The following NECAP2 variants were observed in gnomAD, a reference collection of about 807,000 sequenced individuals.
The protein encoded by NECAP2 is NECAP endocytosis associated 2, also known as adaptin ear-binding coat-associated protein 2.
A neutral mutation model predicts 37.8 loss-of-function variants in NECAP2; 38 were observed. That is an observed-to-expected ratio of 1.01 (90% CI 0.78 to 1.32). The LOEUF is 1.32. NECAP2 is among the 40% of genes most tolerant of loss of function. The pLI is 0.00. For synonymous variants in NECAP2, 121 were observed against 127.7 expected (o/e 0.95, Z 0.35); for missense variants, 316 against 334.5 (o/e 0.94, Z 0.43).
rs755774457 is a variant in NECAP2, at chr1:16,449,211, A to G, written c.489+10A>G. 1.3e-6 allele frequency: 2 copies of G among 1,594,290 alleles called. No homozygotes were observed. The highest frequency in any genetic ancestry group is 4.5e-5 in the East Asian group (2 of 44,554). ...CAAGCTCAACATCGCAGTGAGTTCT[A>G]CCCTTGCTTGGCTGTGGTGACGTGA... is the stretch of plus-strand genomic sequence containing the variant. On this transcript the variant is annotated intron_variant, in intron 5 of 7. Coordinates refer to ENST00000337132, the MANE Select transcript of NECAP2 (RefSeq NM_018090.5).
chr1:16,456,745 A>G (rs1219074216), intron 7 of NECAP2, among the ~76,000 whole-genome samples: 9 of 152,020 alleles, frequency 5.9e-5, no homozygotes, highest in Non-Finnish European at 1.3e-4. Context: ...TTTTCTTTTC[A>G]TGTTTTGAGA....
At chr1:16,455,684 G>T in intron 6 of NECAP2, 134 bp from the exon 7 acceptor site, 1 of 691,574 alleles carries the variant, frequency 1.4e-6, no homozygotes, top group Non-Finnish European at 2.6e-6. Context: ...TGTCTGGTGT[G>T]GCTTTCCCAG....
intron 1 of NECAP2, 122 bp downstream of exon 1, chr1:16,440,975 T>C: frequency 2.7e-6 from 2 of 750,644 alleles, no homozygotes; most frequent in South Asian, 3.2e-5. Flanking sequence ...GAGCTAATGC[T>C]GCTGCTTCTT....
At chr1:16,451,785 A>G (rs995240725) in intron 5 of NECAP2, 53 bp from the exon 6 acceptor site, 3 of 1,604,386 alleles carry the variant, frequency 1.9e-6, no homozygotes, top group Non-Finnish European at 2.6e-6. Flanking sequence ...GTTTTCTGGT[A>G]GCATTGGGAC....
chr1:16,455,087 G>A lies in NECAP2; in HGVS notation c.668-731G>A, dbSNP rs551903448. On this transcript the variant is annotated intron_variant, in intron 6 of 7. Transcript: ENST00000337132. ...GAACTGTAAAACTCTAAACCATTGA[G>A]GGCCCTAGTTTTATCTGTTCTCCTG... Among the ~76,000 whole-genome samples, 4 of 152,216 alleles carry A rather than the reference G, an allele frequency of 2.6e-5. No homozygotes were observed. In the South Asian group the frequency reaches 8.3e-4, roughly 32 times the overall value.
At chr1:16,452,402 A>G (rs1040809302) in intron 6 of NECAP2, among the ~76,000 whole-genome samples, 3 of 102,106 alleles carry the variant, frequency 2.9e-5, no homozygotes, top group Non-Finnish European at 7.1e-5. Flanking sequence ...GCCTAGACCC[A>G]CCATCAGCTG....
In NECAP2 at chr1:16,447,988, C is replaced by T; in HGVS notation, c.298+14C>T. The T allele has an allele frequency of 3.1e-6, 5 of 1,613,850 alleles. No individual in the cohort carries two copies. The highest frequency in any genetic ancestry group is 4.2e-6 in the Non-Finnish European group (5 of 1,179,714). On this transcript the variant is annotated intron_variant, in intron 3 of 7. Transcript: ENST00000337132. ...AAGATGGAAATGGTAGGCATGGGTC[C>T]TGGTGCTTCCTCCTCTTGGGAAAGG...
Position 16,448,554 on chromosome 1 carries a change from C to T in NECAP2, c.380+413C>T, listed in dbSNP as rs185471201. On this transcript the variant is annotated intron_variant, in intron 4 of 7. Transcript: ENST00000337132. ...GTCCTCCTCCACCATCTGCAGGGCT[C>T]GAACTCAGGCTGCCAGTGAGTGGGC... Among the ~76,000 whole-genome samples the T allele has an allele frequency of 3.0e-3, 462 of 152,284 alleles. 1 individual carries two copies. The highest frequency in any genetic ancestry group is 5.3e-3 in the Non-Finnish European group (362 of 68,018).
chr1:16,447,063 A>T (rs781662007), intron 2 of NECAP2, among the ~76,000 whole-genome samples: 4 of 13,780 alleles, frequency 2.9e-4, no homozygotes, highest in South Asian at 2.9e-3. Flanking sequence ...CCATCTCAGG[A>T]AAAAAAAAAA....
At chr1:16,447,739 C>T in intron 2 of NECAP2, 131 bp from the exon 3 acceptor site, 1 of 704,634 alleles carries the variant, frequency 1.4e-6, no homozygotes. Context: ...ATTTGAATCC[C>T]ACAGTAAGGT....
At chr1:16,454,023 T>G (rs562221309) in intron 6 of NECAP2, among the ~76,000 whole-genome samples, 18 of 152,344 alleles carry the variant, frequency 1.2e-4, no homozygotes, top group Non-Finnish European at 8.8e-5. Flanking sequence ...GGTTCAAATT[T>G]CAGCTTACTA....
At chr1:16,444,616 G>A (rs2086734335) in intron 2 of NECAP2, among the ~76,000 whole-genome samples, 1 of 152,172 alleles carries the variant, frequency 6.6e-6, no homozygotes, top group African/African-American at 2.4e-5. Context: ...AGATATTTCT[G>A]TAATGCTTTA....
At chr1:16,443,514 T>C in intron 1 of NECAP2, 118 bp from the exon 2 acceptor site, 1 of 752,360 alleles carries the variant, frequency 1.3e-6, no homozygotes, top group South Asian at 1.6e-5. Context: ...ACTGTCTGAC[T>C]CTTTACAGAA....
intron 6 of NECAP2, among the ~76,000 whole-genome samples, chr1:16,453,493 ATATT>A (rs1171966173): frequency 1.3e-5 from 2 of 151,380 alleles, no homozygotes; most frequent in African/African-American, 2.4e-5. Context: ...TTGCTGATGG[ATATT>A]TATTTATTTA....
At chr1:16,455,254 C>G (rs1380036959) in intron 6 of NECAP2, among the ~76,000 whole-genome samples, 1 of 152,186 alleles carries the variant, frequency 6.6e-6, no homozygotes, top group Non-Finnish European at 1.5e-5. Context: ...GCGTCGCCTA[C>G]CTTGGTGGAG....
chr1:16,453,146 G>GTT, intron 6 of NECAP2, among the ~76,000 whole-genome samples: 1 of 141,934 alleles, frequency 7.0e-6, no homozygotes, highest in East Asian at 2.0e-4. Flanking sequence ...TTTTGCTCTT[G>GTT]TTGCCTAGGC....
intron 7 of NECAP2, among the ~76,000 whole-genome samples, chr1:16,458,246 T>C (rs891669763): frequency 6.6e-6 from 1 of 152,154 alleles, no homozygotes; most frequent in Non-Finnish European, 1.5e-5. Context: ...TCAAAGAGCA[T>C]GTTTATGTAA....
Position 16,451,902 on chromosome 1 carries a change from T to A in NECAP2, c.554T>A (p.Leu185Gln). 6.2e-7 allele frequency: 1 copy of A among 1,614,070 alleles called. No individual in the cohort carries two copies. Among genetic ancestry groups the A allele is most frequent in the Non-Finnish European group, 8.5e-7 (1 of 1,179,938 alleles). The change falls in exon 6 of 8, where the codon CTG (leucine) becomes CAG (glutamine). Residue 185 changes from leucine to glutamine, a missense_variant. By Grantham distance (113) the Leu-to-Gln change is moderately radical (BLOSUM62 -2). Transcript: ENST00000337132. ...GTCCGGCCTGCCAGCACAGGAGGGC[T>A]GAGCCTGCTTCCCCCTCCCCCAGGG... Reference protein sequence around the residue: ...PRVRPASTGGLSLLPPPPGGK... With the variant: ...PRVRPASTGGQSLLPPPPGGK...
At chr1:16,455,195 A>T (rs184831186) in intron 6 of NECAP2, among the ~76,000 whole-genome samples, 77 of 152,364 alleles carry the variant, frequency 5.1e-4, no homozygotes, top group Middle Eastern at 3.4e-3. Flanking sequence ...AGTTGGCAGC[A>T]CTGGGGGAGG....
Sources: allele counts gnomAD v4.1 joint callset (sites outside exome capture counted in the v4.1 genomes callset), GRCh38; gene constraint gnomAD v4.1.1; transcripts MANE v1.5; gene names NCBI Gene and HGNC (gene_info 2026-07-23, HGNC 2026-07-21).